Variants in ABHD2 observed in about 807,000 individuals in gnomAD.
ABHD2 encodes abhydrolase domain containing 2, acylglycerol lipase, also known as monoacylglycerol lipase ABHD2.
ABHD2 carries 20 observed loss-of-function variants against 48.1 expected under a neutral mutation model. That is an observed-to-expected ratio of 0.42 (90% CI 0.29 to 0.60). The LOEUF (loss-of-function observed/expected upper bound fraction) is 0.60, where lower values mean the gene tolerates loss of function less well. Among genes scored for constraint, ABHD2 ranks in the 20% least tolerant of loss-of-function variants. The pLI, the probability that ABHD2 is intolerant of heterozygous loss-of-function variation, is 0.24. For missense variants in ABHD2, 405 were observed against 550.9 expected (o/e 0.74, Z 2.65); for synonymous variants, 209 against 214.2 (o/e 0.98, Z 0.21).
the ABHD2 span, among the ~76,000 whole-genome samples, chr15:89,080,204 T>TTCCC: frequency 6.6e-6 from 1 of 152,172 alleles, no homozygotes; most frequent in African/African-American, 2.4e-5. Flanking sequence ...TCTGCCTGAG[T>TTCCC]TCCCCAAGCT....
intron 6 of ABHD2, among the ~76,000 whole-genome samples, chr15:89,178,785 C>T (rs1457347740): frequency 1.3e-5 from 2 of 152,186 alleles, no homozygotes; most frequent in Non-Finnish European, 2.9e-5. Flanking sequence ...TGTGGTGAGA[C>T]ATCCTCCTAG....
intron 1 of ABHD2, among the ~76,000 whole-genome samples, chr15:89,093,255 G>C (rs113681457): frequency 1.4e-5 from 2 of 139,652 alleles, no homozygotes; most frequent in East Asian, 4.3e-4. Context: ...ATCTTGGCTC[G>C]CTGCAACCTC....
chr15:89,161,256 A>C (rs1478321251), intron 5 of ABHD2, among the ~76,000 whole-genome samples: 1 of 152,188 alleles, frequency 6.6e-6, no homozygotes, highest in Admixed American at 6.5e-5. Flanking sequence ...ATTTCAAAAT[A>C]TGCAGAAGTA....
rs983100205 is a variant in ABHD2 at position 89,174,573 on chromosome 15, AT to A, written c.539-1238del. Among the ~76,000 whole-genome samples the A allele has an allele frequency of 2.6e-5, 4 of 152,204 alleles. No individual in the cohort carries two copies. Among genetic ancestry groups the A allele is most frequent in the African/African-American group, 9.6e-5 (4 of 41,452 alleles). On this transcript the variant is annotated intron_variant, in intron 5 of 10. Coordinates refer to ENST00000352732, the MANE Select transcript of ABHD2 (RefSeq NM_152924.5). This position sits in a 1 kb window ranked among gnomAD's most constrained non-coding sequence, Gnocchi z 4.1. ...CCAGGCTCAAAAGATACTTTCCCCC[AT>A]GGCTTGATGATTAGGGAAGGAGCTG...
chr15:89,115,689 G>A (rs1410627206), intron 2 of ABHD2, among the ~76,000 whole-genome samples: 1 of 152,170 alleles, frequency 6.6e-6, no homozygotes, highest in Non-Finnish European at 1.5e-5. Context: ...GACCTGGGCT[G>A]AGTCTGACCC....
At chr15:89,135,145 T>TTTCTTC (rs376776426) in intron 3 of ABHD2, among the ~76,000 whole-genome samples, 1 of 98,974 alleles carries the variant, frequency 1.0e-5, no homozygotes, top group African/African-American at 3.2e-5. Flanking sequence ...AACTTTTTCT[T>TTTCTTC]TTTTTTTTTT....
At chr15:89,115,551 T>A (rs551018628) in intron 2 of ABHD2, among the ~76,000 whole-genome samples, 7 of 152,248 alleles carry the variant, frequency 4.6e-5, no homozygotes, top group African/African-American at 1.4e-4. Context: ...GTCAATTTGG[T>A]TTACTTTTAA....
upstream of ABHD2, among the ~76,000 whole-genome samples, chr15:89,086,130 C>T (rs986633451): frequency 6.6e-6 from 1 of 151,872 alleles, no homozygotes; most frequent in Non-Finnish European, 1.5e-5. Context: ...TGGGTTCAAA[C>T]GATTATCCTG....
Position 89,177,495 on chromosome 15 carries a change from C to G in ABHD2, c.722+1500C>G, listed in dbSNP as rs981585466. On this transcript the variant is annotated intron_variant, in intron 6 of 10. Transcript: ENST00000352732. This position sits in a 1 kb window ranked among gnomAD's most constrained non-coding sequence, Gnocchi z 5.6. ...GATTCATGAAGTTGGAGGCATGGGA[C>G]CTCAGAAGTCTGCATTTTGGATACA... 6.6e-6 allele frequency among the ~76,000 whole-genome samples: 1 copy of G among 152,172 alleles called. No individual in the cohort carries two copies. Among genetic ancestry groups the G allele is most frequent in the African/African-American group, 2.4e-5 (1 of 41,428 alleles).
the ABHD2 span, among the ~76,000 whole-genome samples, chr15:89,079,340 C>A: frequency 7.2e-5 from 11 of 152,188 alleles, no homozygotes; most frequent in Admixed American, 6.5e-4. The surrounding 1 kb of genome is among the most constrained non-coding windows in gnomAD (Gnocchi z 4.3). Context: ...TCCTGAAAAA[C>A]CCTTTTTGGA....
chr15:89,181,227 T>TAAAAAA (rs2051106174), intron 6 of ABHD2, among the ~76,000 whole-genome samples: 1 of 12,730 alleles, frequency 7.9e-5, no homozygotes, highest in Non-Finnish European at 1.1e-4. Flanking sequence ...AGACTCTGTC[T>TAAAAAA]CAAAAAAAAA....
the ABHD2 span, among the ~76,000 whole-genome samples, chr15:89,063,677 G>A: frequency 6.6e-6 from 1 of 152,114 alleles, no homozygotes; most frequent in African/African-American, 2.4e-5. Flanking sequence ...ATGTTTAGGT[G>A]TACAGTCCTA....
At position 89,176,124 on chromosome 15, in the gene ABHD2, T is replaced by G; in HGVS notation, c.722+129T>G. ...CCGACTGAGTAGAAGTTTCTGAGTC[T>G]TGGACTCACCTTGTTTTGTCTGCAT... On this transcript the variant is annotated intron_variant, in intron 6 of 10. Transcript: ENST00000352732. This position sits in a 1 kb window ranked among gnomAD's most constrained non-coding sequence, Gnocchi z 4.5. 1 of 1,002,618 alleles carries G rather than the reference T, an allele frequency of 1.0e-6. No homozygotes were observed. Among genetic ancestry groups the G allele is most frequent in the Middle Eastern group, 3.3e-4 (1 of 3,014 alleles). The allele number at this position is 1,002,618 out of a possible 1,614,324, so 62.1% of individuals were successfully genotyped here. A position where few individuals can be genotyped will look rare whatever the true frequency, so the allele number is the denominator to read the frequency against.
In ABHD2 at chr15:89,179,955, C is replaced by T. The variant is rs867866091; in HGVS notation, c.722+3960C>T. Among the ~76,000 whole-genome samples, 5 of 152,218 alleles carry T rather than the reference C, an allele frequency of 3.3e-5. No individual in the cohort carries two copies. Among genetic ancestry groups the T allele is most frequent in the Non-Finnish European group, 7.3e-5 (5 of 68,036 alleles). The stretch of plus-strand genomic sequence containing the variant: ...CTGCCAAATGGTGGGGATATTGTCT[C>T]TCTTGCTTTTGATGGGCAAACTTCA... On this transcript the variant is annotated intron_variant, in intron 6 of 10. Transcript: ENST00000352732. The surrounding 1 kb of genome is among the most constrained non-coding windows in gnomAD (Gnocchi z 4.3).
the ABHD2 span, among the ~76,000 whole-genome samples, chr15:89,062,856 C>T: frequency 7.2e-5 from 11 of 152,146 alleles, no homozygotes; most frequent in East Asian, 1.9e-4. Context: ...TATTGATTTC[C>T]GGTGCTTACT....
rs1418371216 is a variant in ABHD2 at position 89,201,413 on chromosome 15, T to C, written c.*5990T>C. On this transcript the variant is annotated 3_prime_UTR_variant, in exon 11 of 11. Transcript: ENST00000352732. ...GGGTTCCATGTCATTCAATTTATCA[T>C]TTTCATTGGGGATCTCCATTTGGAA... is the stretch of plus-strand genomic sequence containing the variant. 3.1e-5 allele frequency: 39 copies of C among 1,273,318 alleles called. No homozygotes were observed. Among genetic ancestry groups the C allele is most frequent in the Non-Finnish European group, 4.0e-5 (35 of 882,558 alleles). The allele number at this position is 1,273,318 out of a possible 1,614,324, so 78.9% of individuals were successfully genotyped here.
intron 1 of ABHD2, among the ~76,000 whole-genome samples, chr15:89,098,088 C>T (rs1025481075): frequency 6.6e-6 from 1 of 152,084 alleles, no homozygotes; most frequent in African/African-American, 2.4e-5. Context: ...CCATGTTGCC[C>T]AGGCTGGTCT....
chr15:89,049,800 A>G, the ABHD2 span, among the ~76,000 whole-genome samples: 18 of 152,180 alleles, frequency 1.2e-4, no homozygotes, highest in African/African-American at 3.9e-4. Flanking sequence ...GGCACTCCCT[A>G]GTGAGATGAA....
chr15:89,174,285 T>C lies in ABHD2; in HGVS notation c.539-1527T>C, dbSNP rs2050975475. Among the ~76,000 whole-genome samples the C allele has an allele frequency of 6.6e-6, 1 of 152,178 alleles. No individual in the cohort carries two copies. Among genetic ancestry groups the C allele is most frequent in the Admixed American group, 6.5e-5 (1 of 15,274 alleles). Reference sequence around the variant, plus strand: ...TAAAAAGAATATAGGAAACTTACCTTTCACTCCATCTTTTACAGCATTTGA... The same window carrying C: ...TAAAAAGAATATAGGAAACTTACCTCTCACTCCATCTTTTACAGCATTTGA... On this transcript the variant is annotated intron_variant, in intron 5 of 10. Coordinates refer to ENST00000352732, the MANE Select transcript of ABHD2 (RefSeq NM_152924.5). This position sits in a 1 kb window ranked among gnomAD's most constrained non-coding sequence, Gnocchi z 4.1.
Sources: gnomAD v4.1 joint callset for allele counts (sites outside exome capture counted in the v4.1 genomes callset) on GRCh38, gnomAD v4.1.1 for gene constraint, Gnocchi (gnomAD v3.1) non-coding constraint, MANE v1.5 for transcripts, NCBI Gene and HGNC (gene_info 2026-07-23, HGNC 2026-07-21) for gene names.